The following BNC2 variants were observed in gnomAD, a reference collection of about 807,000 sequenced individuals.
The protein encoded by BNC2 is zinc finger protein basonuclin-2.
In BNC2, 20 loss-of-function variants were observed where a neutral mutation model predicts 76.3. The ratio of observed to expected loss-of-function variants is 0.26; its 90% CI spans 0.18 to 0.38. The LOEUF (loss-of-function observed/expected upper bound fraction) is 0.38. Ranked by LOEUF, BNC2 falls within the 10% of genes least tolerant of loss-of-function variation. The pLI, the probability that BNC2 is intolerant of heterozygous loss-of-function variation, is 1.00. For synonymous variants in BNC2, 582 were observed against 514.8 expected (o/e 1.13, Z -1.77); for missense variants, 1,382 against 1,399.8 (o/e 0.99, Z 0.20).
intron 5 of BNC2, among the ~76,000 whole-genome samples, chr9:16,444,717 C>A (rs1821196129): frequency 1.3e-5 from 2 of 152,140 alleles, no homozygotes; most frequent in South Asian, 4.1e-4. Flanking sequence ...GGAAGAGAAA[C>A]CTTTGAGCAT....
chr9:16,617,174 T>A (rs1820729721), intron 3 of BNC2, among the ~76,000 whole-genome samples: 1 of 152,122 alleles, frequency 6.6e-6, no homozygotes, highest in African/African-American at 2.4e-5. Context: ...TCAAGTCCAC[T>A]TTAACCGTGG....
chr9:16,481,946 C>T lies in BNC2; in HGVS notation c.670-44422G>A, dbSNP rs185793380. Among the ~76,000 whole-genome samples the T allele has an allele frequency of 3.3e-5, 5 of 152,268 alleles. No individual in the cohort carries two copies. The East Asian group carries it at 5.8e-4, about 18-fold the overall frequency. ...TACTATAATCTTAGTACCAACTTCACGGGATCATTATGTGAATTATACTGG... is the reference window on the plus strand; with the variant it reads ...TACTATAATCTTAGTACCAACTTCATGGGATCATTATGTGAATTATACTGG... On this transcript the variant is annotated intron_variant, in intron 5 of 6. Coordinates refer to ENST00000380672, the MANE Select transcript of BNC2 (RefSeq NM_017637.6).
intron 1 of BNC2, among the ~76,000 whole-genome samples, chr9:16,743,172 G>A (rs1056932155): frequency 1.3e-5 from 2 of 152,200 alleles, no homozygotes; most frequent in Admixed American, 6.5e-5. Context: ...AGTCAGGCCA[G>A]ATGACAACCA....
intron 5 of BNC2, among the ~76,000 whole-genome samples, chr9:16,452,356 A>G (rs1274362131): frequency 1.3e-5 from 2 of 152,210 alleles, no homozygotes; most frequent in Non-Finnish European, 2.9e-5. Context: ...GTAAAGGCTT[A>G]TGGAGTGAAT....
intron 3 of BNC2, among the ~76,000 whole-genome samples, chr9:16,719,639 A>G: frequency 6.6e-6 from 1 of 152,210 alleles, no homozygotes; most frequent in South Asian, 2.1e-4. Flanking sequence ...CCCATACAGA[A>G]TATGTTTCAG....
At chr9:16,484,014 C>T (rs1221929874) in intron 5 of BNC2, among the ~76,000 whole-genome samples, 1 of 152,184 alleles carries the variant, frequency 6.6e-6, no homozygotes, top group East Asian at 1.9e-4. Flanking sequence ...AATCCCCTGC[C>T]AACTCTTTTA....
At chr9:16,855,174 G>T (rs954495930) in intron 1 of BNC2, among the ~76,000 whole-genome samples, 46 of 152,016 alleles carry the variant, frequency 3.0e-4, no homozygotes, top group African/African-American at 1.0e-3. Context: ...CTCAGCTGGT[G>T]AACAAACTGA....
chr9:16,512,485 C>T (rs999715873), intron 5 of BNC2, among the ~76,000 whole-genome samples: 40 of 107,740 alleles, frequency 3.7e-4, no homozygotes, highest in African/African-American at 1.6e-3. Flanking sequence ...AACACACGCG[C>T]ACACACACAC....
At chr9:16,580,838 T>C (rs1261610920) in intron 4 of BNC2, among the ~76,000 whole-genome samples, 1 of 152,196 alleles carries the variant, frequency 6.6e-6, no homozygotes, top group African/African-American at 2.4e-5. Context: ...CTTCATATAT[T>C]TTCTCTTTAA....
intron 5 of BNC2, among the ~76,000 whole-genome samples, chr9:16,480,827 C>T (rs552507109): frequency 2.8e-4 from 43 of 152,276 alleles, no homozygotes; most frequent in African/African-American, 9.1e-4. Flanking sequence ...TGAGCCTCCC[C>T]GACAAGTGCC....
intron 3 of BNC2, among the ~76,000 whole-genome samples, chr9:16,690,368 G>T (rs1227672475): frequency 2.6e-5 from 4 of 152,054 alleles, no homozygotes; most frequent in Non-Finnish European, 4.4e-5. Context: ...ATCCTAGGAG[G>T]ATTACTTAAG....
At chr9:16,844,493 C>CTTTTT (rs67281132) in intron 1 of BNC2, among the ~76,000 whole-genome samples, 84 of 103,318 alleles carry the variant, frequency 8.1e-4, no homozygotes, top group East Asian at 3.0e-3. Flanking sequence ...TTTTTCTTTT[C>CTTTTT]TTTTTTTTTT....
chr9:16,659,843 T>C (rs1295384879), intron 3 of BNC2, among the ~76,000 whole-genome samples: 1 of 152,172 alleles, frequency 6.6e-6, no homozygotes, highest in Non-Finnish European at 1.5e-5. Context: ...TTTTTCTTCA[T>C]AGCCCTTATT....
chr9:16,468,697 C>G (rs1015588002), intron 5 of BNC2, among the ~76,000 whole-genome samples: 61 of 152,060 alleles, frequency 4.0e-4, no homozygotes, highest in African/African-American at 1.4e-3. Context: ...GGACTATATG[C>G]AGTATCTTGA....
chr9:16,740,985 G>C (rs982068879), intron 1 of BNC2, among the ~76,000 whole-genome samples: 1 of 152,072 alleles, frequency 6.6e-6, no homozygotes, highest in East Asian at 1.9e-4. Context: ...CCACTAAACT[G>C]TACACTTCTT....
intron 5 of BNC2, among the ~76,000 whole-genome samples, chr9:16,497,882 C>T (rs1401419552): frequency 6.6e-6 from 1 of 151,624 alleles, no homozygotes; most frequent in South Asian, 2.1e-4. Context: ...TTCCAAGATA[C>T]TTGTACATGC....
At chr9:16,439,720 C>G (rs961184286) in intron 5 of BNC2, among the ~76,000 whole-genome samples, 2 of 152,184 alleles carry the variant, frequency 1.3e-5, no homozygotes, top group Non-Finnish European at 1.5e-5. Flanking sequence ...ACTTGAATTA[C>G]TTTTTTAAAA....
At chr9:16,711,135 C>T (rs984645715) in intron 3 of BNC2, among the ~76,000 whole-genome samples, 8 of 152,144 alleles carry the variant, frequency 5.3e-5, no homozygotes, top group African/African-American at 1.9e-4. Flanking sequence ...ATACCAGTGA[C>T]AGCTGTGTGG....
rs150414939 is a variant in BNC2, at chr9:16,699,165, A to C, written c.330+28632T>G. 1.7e-5 allele frequency: 8 copies of C among 468,578 alleles called. No homozygotes were observed. The East Asian group carries it at 3.5e-4, about 21-fold the overall frequency. The allele number at this position is 468,578 out of a possible 1,614,324, so 29.0% of individuals were successfully genotyped here. On this transcript the variant is annotated intron_variant, in intron 3 of 6. Coordinates refer to ENST00000380672, the MANE Select transcript of BNC2 (RefSeq NM_017637.6). ...CCTTTCCCTTTGTTTTAAAAACAGA[A>C]AGGCTATAAGGCTTACCAGTAACCT...
Sources: gnomAD v4.1 joint callset for allele counts (sites outside exome capture counted in the v4.1 genomes callset) on GRCh38, gnomAD v4.1.1 for gene constraint, MANE v1.5 for transcripts, NCBI Gene and HGNC (gene_info 2026-07-23, HGNC 2026-07-21) for gene names.